Variants in VAT1L observed in about 807,000 individuals in gnomAD.
The protein encoded by VAT1L is putative NADPH-dependent quinone oxidoreductase VAT1L.
Under a neutral mutation model 44.1 loss-of-function variants are expected in VAT1L, and 34 were observed. The observed-to-expected ratio is 0.77, with a 90% confidence interval of 0.59 to 1.03. VAT1L has a LOEUF of 1.03. Ranked by LOEUF, VAT1L falls within the 50% of genes least tolerant of loss-of-function variation. The probability of loss-of-function intolerance (pLI) is 0.00; values close to 1 mark genes in which losing one functional copy is unlikely to be tolerated. For missense variants in VAT1L, 615 were observed against 538.8 expected, an observed-to-expected ratio of 1.14 and a Z score of -1.40; for synonymous variants, 253 against 202.2, an observed-to-expected ratio of 1.25 and a Z score of -2.13.
rs1269420285 is a variant in VAT1L, at chr16:77,904,287, T to C, written c.1077+19485T>C. ...CTGCTTTTTTTACAACAGCTTTTAA[T>C]TTTAACATGATTTTTTGTTTATTGC... On this transcript the variant is annotated intron_variant, in intron 7 of 8. Transcript: ENST00000302536. Among the ~76,000 whole-genome samples the C allele has an allele frequency of 2.0e-5, 3 of 152,140 alleles. No homozygotes were observed. The East Asian group carries it at 5.8e-4, about 29-fold the overall frequency.
At chr16:77,812,369 T>C (rs2914444) in intron 1 of VAT1L, among the ~76,000 whole-genome samples, 151,276 of 152,282 alleles carry the variant, frequency 0.99, 75,147 homozygotes, top group Middle Eastern at 1. Context: ...CACCATGCCC[T>C]GCCGTTCCCG....
intron 1 of VAT1L, among the ~76,000 whole-genome samples, chr16:77,793,173 G>T (rs2015865484): frequency 6.6e-6 from 1 of 152,190 alleles, no homozygotes; most frequent in Non-Finnish European, 1.5e-5. Flanking sequence ...GTGCAGTGGT[G>T]TGATCATGGT....
At chr16:77,904,037 T>G (rs549625484) in intron 7 of VAT1L, among the ~76,000 whole-genome samples, 4 of 152,074 alleles carry the variant, frequency 2.6e-5, no homozygotes, top group Non-Finnish European at 5.9e-5. Flanking sequence ...TGCCTGGCCC[T>G]CTGTCATTAC....
chr16:77,954,745 T>C (rs914918788), intron 7 of VAT1L, among the ~76,000 whole-genome samples: 2 of 152,206 alleles, frequency 1.3e-5, no homozygotes, highest in African/African-American at 4.8e-5. Context: ...CTTCTCACAG[T>C]AGGCAGTCAA....
intron 3 of VAT1L, among the ~76,000 whole-genome samples, chr16:77,845,653 C>G (rs1228570202): frequency 6.6e-6 from 1 of 152,178 alleles, no homozygotes; most frequent in Non-Finnish European, 1.5e-5. Flanking sequence ...TCCCCAGTCG[C>G]TTTCTCTCCA....
At chr16:77,809,259 C>A (rs2016221517) in intron 1 of VAT1L, among the ~76,000 whole-genome samples, 1 of 152,194 alleles carries the variant, frequency 6.6e-6, no homozygotes. Context: ...TGACACTCAA[C>A]ACCATGCCTG....
chr16:77,805,384 T>C (rs577197076), intron 1 of VAT1L, among the ~76,000 whole-genome samples: 40 of 152,320 alleles, frequency 2.6e-4, no homozygotes, highest in African/African-American at 9.4e-4. Context: ...CTAAGCATTT[T>C]CAAGTTTTCA....
intron 7 of VAT1L, 49 bp from the exon 8 acceptor site, chr16:77,971,801 G>C (rs200199662): frequency 1.3e-6 from 2 of 1,577,474 alleles, no homozygotes; most frequent in East Asian, 4.5e-5. Context: ...TTTTTAACTG[G>C]GGAACATCTC....
chr16:77,902,845 C>T (rs2017398435), intron 7 of VAT1L, among the ~76,000 whole-genome samples: 1 of 151,798 alleles, frequency 6.6e-6, no homozygotes, highest in Non-Finnish European at 1.5e-5. Flanking sequence ...TGGTTGTCCA[C>T]TCCTGTATTC....
chr16:77,802,074 T>C (rs1477418988), intron 1 of VAT1L, among the ~76,000 whole-genome samples: 2 of 152,098 alleles, frequency 1.3e-5, no homozygotes, highest in Non-Finnish European at 2.9e-5. Context: ...TACTACTTCA[T>C]AGGAAATGAA....
At position 77,977,668 on chromosome 16, in the gene VAT1L, C is replaced by A. The variant is rs776392412; in HGVS notation, c.1233C>A (p.Asn411Lys). ...AGGACCACGAGGGAGACAGCGAGAA[C>A]AAGGAGCGGATGCCCTTTATCCAGT... is the stretch of plus-strand genomic sequence containing the variant. The part of the protein sequence containing the change: ...EEEDHEGDSE[N>K]KERMPFIQ Residue 411 changes from asparagine (N) to lysine (K), a missense_variant, in exon 9 of 9, where the codon AAC becomes AAA. By Grantham distance (94) the Asn-to-Lys change is moderately conservative. Coordinates refer to ENST00000302536, the MANE Select transcript of VAT1L (RefSeq NM_020927.3). 1 of 1,613,908 alleles carries A rather than the reference C, an allele frequency of 6.2e-7. No homozygotes were observed. Among genetic ancestry groups the A allele is most frequent in the East Asian group, 2.2e-5 (1 of 44,882 alleles).
chr16:77,899,170 G>A (rs2017355306), intron 7 of VAT1L, among the ~76,000 whole-genome samples: 1 of 152,086 alleles, frequency 6.6e-6, no homozygotes, highest in African/African-American at 2.4e-5. Flanking sequence ...ACAGATGAGG[G>A]CACTGAGGCT....
chr16:77,967,637 C>T (rs1488626989), intron 7 of VAT1L, among the ~76,000 whole-genome samples: 2 of 152,162 alleles, frequency 1.3e-5, no homozygotes, highest in Admixed American at 6.5e-5. Context: ...ATCCAAAAAG[C>T]ATGCAGATTA....
In VAT1L at chr16:77,886,864, T is replaced by C. The variant is rs367849727; in HGVS notation, c.1077+2062T>C. ...CTCTAAAGAGACTTTTTAGATATTA[T>C]TTTGCCTAATAAACTCATGAAGTTT... On this transcript the variant is annotated intron_variant, in intron 7 of 8. Coordinates refer to ENST00000302536, the MANE Select transcript of VAT1L (RefSeq NM_020927.3). Among the ~76,000 whole-genome samples, 9 of 152,332 alleles carry C rather than the reference T, an allele frequency of 5.9e-5. No homozygotes were observed. In the South Asian group the frequency reaches 1.7e-3, roughly 28 times the overall value.
At chr16:77,901,010 C>T (rs935923133) in intron 7 of VAT1L, among the ~76,000 whole-genome samples, 40 of 152,124 alleles carry the variant, frequency 2.6e-4, no homozygotes, top group South Asian at 4.2e-4. Context: ...AGGAAGTTCA[C>T]GGTTGGCAAG....
chr16:77,888,162 C>T (rs2017227874), intron 7 of VAT1L, among the ~76,000 whole-genome samples: 1 of 152,212 alleles, frequency 6.6e-6, no homozygotes, highest in South Asian at 2.1e-4. Context: ...AAAGTAGCAC[C>T]TTGCACAGCC....
chr16:77,842,464 A>T (rs969904601), intron 3 of VAT1L, among the ~76,000 whole-genome samples: 2 of 152,206 alleles, frequency 1.3e-5, no homozygotes, highest in Non-Finnish European at 2.9e-5. Context: ...AGAACCAACG[A>T]AAGTAATTCA....
At chr16:77,854,534 G>A (rs1431018027) in intron 3 of VAT1L, among the ~76,000 whole-genome samples, 1 of 152,166 alleles carries the variant, frequency 6.6e-6, no homozygotes, top group Non-Finnish European at 1.5e-5. Flanking sequence ...ACCTCAATGT[G>A]GGAGCTTGTA....
chr16:77,886,512 C>T (rs980079682), intron 7 of VAT1L, among the ~76,000 whole-genome samples: 20 of 152,156 alleles, frequency 1.3e-4, no homozygotes, highest in Admixed American at 8.5e-4. Context: ...CCAGTGGGTT[C>T]TTGTTCTAGT....
Sources: allele counts gnomAD v4.1 joint callset (sites outside exome capture counted in the v4.1 genomes callset), GRCh38; gene constraint gnomAD v4.1.1; transcripts MANE v1.5; gene names NCBI Gene and HGNC (gene_info 2026-07-23, HGNC 2026-07-21).